SLC39A11: variants seen among roughly 807,000 people sequenced by gnomAD.
SLC39A11 encodes the protein zinc transporter ZIP11.
In SLC39A11, 33 loss-of-function variants were observed where a neutral mutation model predicts 36.1. That is an observed-to-expected ratio of 0.91 (90% CI 0.69 to 1.22). The LOEUF is 1.22. Ranked by LOEUF, SLC39A11 falls within the 50% of genes most tolerant of loss-of-function variation. The pLI is 0.00. For missense variants in SLC39A11, 432 were observed against 430.3 expected, an observed-to-expected ratio of 1.00 and a Z score of -0.03; for synonymous variants, 166 against 170.3, an observed-to-expected ratio of 0.97 and a Z score of 0.20.
intron 5 of SLC39A11, among the ~76,000 whole-genome samples, chr17:72,895,205 G>A (rs1358289280): frequency 6.6e-6 from 1 of 152,130 alleles, no homozygotes; most frequent in African/African-American, 2.4e-5. Context: ...GGGTTGGTGC[G>A]ATGGGAGAAG....
intron 7 of SLC39A11, among the ~76,000 whole-genome samples, chr17:72,673,338 A>C (rs8074782): frequency 1 from 152,202 of 152,206 alleles, 76,099 homozygotes; most frequent in Middle Eastern, 1. Context: ...CTCCTGACCT[A>C]GTGATCTGCC....
intron 6 of SLC39A11, chr17:72,838,125 A>C: frequency 2.2e-6 from 1 of 446,190 alleles, no homozygotes. Flanking sequence ...TCTCTACTGG[A>C]AGAAAAAAAT....
intron 7 of SLC39A11, among the ~76,000 whole-genome samples, chr17:72,683,129 C>T (rs1427253430): frequency 6.6e-6 from 1 of 152,180 alleles, no homozygotes; most frequent in Non-Finnish European, 1.5e-5. Context: ...GTGCCCCCTA[C>T]ATTCTAATTT....
chr17:72,912,442 T>A (rs1190199952), intron 5 of SLC39A11, among the ~76,000 whole-genome samples: 2 of 151,880 alleles, frequency 1.3e-5, no homozygotes, highest in Non-Finnish European at 2.9e-5. Context: ...TCTTTTTTTT[T>A]TTTTTTTAAG....
At chr17:72,929,189 T>C (rs1226995836) in intron 5 of SLC39A11, among the ~76,000 whole-genome samples, 1 of 152,158 alleles carries the variant, frequency 6.6e-6, no homozygotes, top group Non-Finnish European at 1.5e-5. Flanking sequence ...CATCCTGCCC[T>C]ACCCTATCTG....
chr17:72,710,948 T>C (rs1372818198), intron 7 of SLC39A11, among the ~76,000 whole-genome samples: 2 of 152,228 alleles, frequency 1.3e-5, no homozygotes, highest in African/African-American at 2.4e-5. Context: ...GTGAAGCTTC[T>C]AGAATACAAT....
chr17:72,924,630 A>C (rs1182530747), intron 5 of SLC39A11, among the ~76,000 whole-genome samples: 15 of 152,148 alleles, frequency 9.9e-5, no homozygotes, highest in Admixed American at 9.8e-4. Flanking sequence ...TCCCCAATGA[A>C]GATATATTCT....
intron 7 of SLC39A11, among the ~76,000 whole-genome samples, chr17:72,662,742 A>G (rs2070525213): frequency 6.6e-6 from 1 of 151,420 alleles, no homozygotes; most frequent in Non-Finnish European, 1.5e-5. Context: ...GAAAGAAAAA[A>G]GAAAAAAAGG....
intron 4 of SLC39A11, among the ~76,000 whole-genome samples, chr17:73,023,166 G>C (rs4290532): frequency 2.0e-5 from 3 of 151,860 alleles, no homozygotes; most frequent in Non-Finnish European, 4.4e-5. Flanking sequence ...GGTTCAGAAC[G>C]CCCAGTGCCC....
chr17:72,984,151 T>C (rs1021769141), intron 4 of SLC39A11, among the ~76,000 whole-genome samples: 5 of 152,202 alleles, frequency 3.3e-5, no homozygotes, highest in Non-Finnish European at 5.9e-5. Context: ...GCCCATCGAA[T>C]TGCCACTATC....
intron 7 of SLC39A11, among the ~76,000 whole-genome samples, chr17:72,656,116 A>G (rs1156529586): frequency 6.6e-6 from 1 of 152,204 alleles, no homozygotes; most frequent in Non-Finnish European, 1.5e-5. Flanking sequence ...GGGAAAGGTC[A>G]GATGAGAGGT....
At chr17:72,972,036 A>T (rs1311648968) in intron 4 of SLC39A11, among the ~76,000 whole-genome samples, 1 of 152,240 alleles carries the variant, frequency 6.6e-6, no homozygotes, top group Non-Finnish European at 1.5e-5. Flanking sequence ...CAGAATCATT[A>T]TTAAACCAAA....
At chr17:72,954,408 A>G (rs1292228623) in intron 4 of SLC39A11, among the ~76,000 whole-genome samples, 1 of 152,220 alleles carries the variant, frequency 6.6e-6, no homozygotes, top group African/African-American at 2.4e-5. Context: ...CATGGAAGCC[A>G]AGTGTTACAC....
chr17:72,793,486 T>C (rs190732991), intron 6 of SLC39A11, among the ~76,000 whole-genome samples: 111 of 152,308 alleles, frequency 7.3e-4, no homozygotes, highest in Middle Eastern at 3.4e-3. Flanking sequence ...ATACAATGTA[T>C]AACATGTGAT....
chr17:73,024,069 C>A (rs1276869622), intron 4 of SLC39A11, among the ~76,000 whole-genome samples: 1 of 152,204 alleles, frequency 6.6e-6, no homozygotes. Flanking sequence ...GCTATGGCAG[C>A]CCCAGCGAAA....
chr17:72,814,095 C>T (rs535861391), intron 6 of SLC39A11, among the ~76,000 whole-genome samples: 33 of 152,284 alleles, frequency 2.2e-4, no homozygotes, highest in Non-Finnish European at 4.0e-4. Context: ...TAGCCACATG[C>T]GGCTTTTTAC....
rs557533617 is a variant in SLC39A11 at position 72,648,409 on chromosome 17, T to C, written c.929+394A>G. 1.6e-4 allele frequency among the ~76,000 whole-genome samples: 25 copies of C among 151,838 alleles called. No individual in the cohort carries two copies. The East Asian group carries it at 4.3e-3, about 26-fold the overall frequency. ...ACAAAGCAAACCCTTACTCCCACCT[T>C]CTGACACCTGGCCTATAGCTAGCCA... On this transcript the variant is annotated intron_variant, in intron 9 of 9. Coordinates refer to ENST00000255559, the MANE Select transcript of SLC39A11 (RefSeq NM_139177.4).
At chr17:72,933,638 GC>G (rs2084562856) in intron 5 of SLC39A11, among the ~76,000 whole-genome samples, 1 of 152,100 alleles carries the variant, frequency 6.6e-6, no homozygotes, top group African/African-American at 2.4e-5. Flanking sequence ...TCTAGCCTCA[GC>G]CTCCTAAGTA....
intron 3 of SLC39A11, among the ~76,000 whole-genome samples, chr17:73,050,912 C>A (rs139469198): frequency 6.6e-6 from 1 of 151,244 alleles, no homozygotes; most frequent in East Asian, 2.0e-4. Context: ...TGATCCAATT[C>A]GGGATGTATT....
Sources: allele counts gnomAD v4.1 joint callset (sites outside exome capture counted in the v4.1 genomes callset), GRCh38; gene constraint gnomAD v4.1.1; transcripts MANE v1.5; gene names NCBI Gene and HGNC (gene_info 2026-07-23, HGNC 2026-07-21).